SIK3: variants seen among roughly 807,000 people sequenced by gnomAD.
The protein encoded by SIK3 is SIK family kinase 3, also known as serine/threonine-protein kinase SIK3.
SIK3 carries 28 observed loss-of-function variants against 144.2 expected under a neutral mutation model. The ratio of observed to expected loss-of-function variants is 0.19; its 90% CI spans 0.14 to 0.27. The LOEUF is 0.27. SIK3 is among the 10% of genes least tolerant of loss of function. The pLI is 1.00. For synonymous variants in SIK3, 686 were observed against 676.3 expected (o/e 1.01, Z -0.22); for missense variants, 1,319 against 1,776.0 (o/e 0.74, Z 4.62).
intron 1 of SIK3, among the ~76,000 whole-genome samples, chr11:117,059,032 A>AATT (rs1953681483): frequency 6.6e-6 from 1 of 152,236 alleles, no homozygotes; most frequent in Non-Finnish European, 1.5e-5. Flanking sequence ...ATGGAGATTT[A>AATT]AGGGGCTGGC....
intron 1 of SIK3, among the ~76,000 whole-genome samples, chr11:116,970,968 T>G (rs1290528955): frequency 1.3e-5 from 2 of 152,146 alleles, no homozygotes; most frequent in African/African-American, 4.8e-5. Flanking sequence ...AGTTTTACAG[T>G]GCTATATAAT....
chr11:116,959,735 C>T (rs1040623117), intron 1 of SIK3, among the ~76,000 whole-genome samples: 2 of 152,140 alleles, frequency 1.3e-5, no homozygotes, highest in African/African-American at 4.8e-5. Flanking sequence ...CAGTCAGCCA[C>T]ACAATCACGT....
chr11:116,870,162 G>T, intron 14 of SIK3, 169 bp downstream of exon 14: 1 of 1,535,846 alleles, frequency 6.5e-7, no homozygotes, highest in Non-Finnish European at 8.7e-7. Flanking sequence ...TTTCTGGGTA[G>T]TCTTCTGTTA....
chr11:116,954,722 T>C (rs1450393646), intron 2 of SIK3, among the ~76,000 whole-genome samples: 3 of 152,210 alleles, frequency 2.0e-5, no homozygotes, highest in Non-Finnish European at 4.4e-5. Flanking sequence ...TTGTAGTATG[T>C]TGTCAGTCCT....
chr11:117,013,330 A>G (rs1310863212), intron 1 of SIK3, among the ~76,000 whole-genome samples: 1 of 152,082 alleles, frequency 6.6e-6, no homozygotes, highest in South Asian at 2.1e-4. Context: ...GTCTCCACTA[A>G]AAGTACAAAA....
In SIK3 at chr11:116,849,016, G is replaced by T; in HGVS notation, c.3819+104C>A. 1 of 1,299,910 alleles carries T rather than the reference G, an allele frequency of 7.7e-7. No homozygotes were observed. Among genetic ancestry groups the T allele is most frequent in the Non-Finnish European group, 1.0e-6 (1 of 964,034 alleles). 80.5% of individuals were successfully genotyped at this position (1,299,910 alleles called of 1,614,324 possible). ...ACCGTTTCCAGAAAGGCTGAATGCTGACTGAGGAGAGCGGCCAAGAGAGGC... is the reference window on the plus strand; with the variant it reads ...ACCGTTTCCAGAAAGGCTGAATGCTTACTGAGGAGAGCGGCCAAGAGAGGC... On this transcript the variant is annotated intron_variant, in intron 22 of 24. Transcript: ENST00000445177. This position sits in a 1 kb window ranked among gnomAD's most constrained non-coding sequence, Gnocchi z 4.2.
intron 4 of SIK3, among the ~76,000 whole-genome samples, chr11:116,923,261 T>G (rs1947100706): frequency 6.6e-6 from 1 of 152,214 alleles, no homozygotes; most frequent in African/African-American, 2.4e-5. Context: ...TTTTCTCTCT[T>G]GCATGTTTCT....
intron 4 of SIK3, among the ~76,000 whole-genome samples, chr11:116,906,492 G>A (rs1946043657): frequency 6.6e-6 from 1 of 152,108 alleles, no homozygotes; most frequent in South Asian, 2.1e-4. Context: ...TTAAGGCTTC[G>A]AAAACACCCA....
At chr11:116,899,800 C>T (rs1945641406) in intron 4 of SIK3, among the ~76,000 whole-genome samples, 1 of 152,140 alleles carries the variant, frequency 6.6e-6, no homozygotes, top group Non-Finnish European at 1.5e-5. Context: ...AGAAATCCCT[C>T]ATGCCCCAGG....
chr11:117,061,428 A>G (rs1363709201), intron 1 of SIK3, among the ~76,000 whole-genome samples: 1 of 152,114 alleles, frequency 6.6e-6, no homozygotes, highest in East Asian at 1.9e-4. Context: ...CTTCCACTTA[A>G]TGGTTGCGTC....
chr11:116,914,243 C>G (rs1946495599), intron 4 of SIK3, among the ~76,000 whole-genome samples: 1 of 142,736 alleles, frequency 7.0e-6, no homozygotes, highest in South Asian at 2.2e-4. Flanking sequence ...GAGTCTCACT[C>G]TGTCGCCCAG....
intron 16 of SIK3, among the ~76,000 whole-genome samples, chr11:116,862,944 C>A (rs898165549): frequency 6.6e-6 from 1 of 152,190 alleles, no homozygotes. Flanking sequence ...CATGGTGGTG[C>A]ACGCCTGTAG....
Position 117,098,295 on chromosome 11 carries a change from C to A in SIK3, c.121G>T (p.Val41Leu), listed in dbSNP as rs1955574865. Residue 41 changes from valine to leucine, a missense_variant, in exon 1 of 25, where the codon GTG becomes TTG. Coordinates refer to ENST00000445177, the MANE Select transcript of SIK3 (RefSeq NM_001366686.3). The part of the protein sequence containing the change: ...APGSPAAPAA[V>L]SPAAGQPRPP... ...CGCGGCTGGCCGGCCGCAGGGGACA[C>A]GGCAGCGGGGGCGGCTGGGGACCCC... 10 of 1,206,462 alleles carry A rather than the reference C, an allele frequency of 8.3e-6. No homozygotes were observed. The highest frequency in any genetic ancestry group is 1.6e-5 in the African/African-American group (1 of 62,354). The allele number at this position is 1,206,462 out of a possible 1,614,324, so 74.7% of individuals were successfully genotyped here. A position where few individuals can be genotyped will look rare whatever the true frequency, so the allele number is the denominator to read the frequency against.
chr11:116,981,365 G>C (rs1466853426), intron 1 of SIK3, among the ~76,000 whole-genome samples: 2 of 152,124 alleles, frequency 1.3e-5, no homozygotes. Flanking sequence ...TCTCTCCATG[G>C]GCTTCTTCAG....
chr11:116,954,264 A>T (rs1044807111), intron 2 of SIK3, among the ~76,000 whole-genome samples, 157 bp from the exon 3 acceptor site: 3 of 152,240 alleles, frequency 2.0e-5, no homozygotes, highest in African/African-American at 7.2e-5. Flanking sequence ...TATAAATGTT[A>T]TTAAGAAGAA....
chr11:117,025,111 A>G (rs955309511), intron 1 of SIK3, among the ~76,000 whole-genome samples: 4 of 152,172 alleles, frequency 2.6e-5, no homozygotes, highest in Non-Finnish European at 4.4e-5. Flanking sequence ...AGCAACTACT[A>G]CCTCACTCAG....
chr11:117,072,950 T>C (rs1954346170), intron 1 of SIK3, among the ~76,000 whole-genome samples: 1 of 152,162 alleles, frequency 6.6e-6, no homozygotes, highest in South Asian at 2.1e-4. Context: ...ATTTGCTAAG[T>C]CAAGGAGATT....
intron 15 of SIK3, 37 bp from the exon 16 acceptor site, chr11:116,863,855 T>C (rs764471181): frequency 3.2e-5 from 50 of 1,541,488 alleles, no homozygotes; most frequent in Non-Finnish European, 2.4e-5. Flanking sequence ...AGGCTAGGAC[T>C]CAGGGGCTTT....
In SIK3 at chr11:116,967,017, A is replaced by AAAAG. The variant is rs1555113669; in HGVS notation, c.274-9957_274-9954dup. 3.1e-3 allele frequency among the ~76,000 whole-genome samples: 460 copies of AAAAG among 147,502 alleles called. 15 individuals carry two copies. The highest frequency in any genetic ancestry group is 0.011 in the African/African-American group (435 of 39,580). The stretch of plus-strand genomic sequence containing the variant: ...AGACTCTGTTTCAAAAAAAAAAAGA[A>AAAAG]AAAGAAAAAGAAAAAGAAAAGAAAA... On this transcript the variant is annotated intron_variant, in intron 1 of 24. Coordinates refer to ENST00000445177, the MANE Select transcript of SIK3 (RefSeq NM_001366686.3).
Sources: allele counts gnomAD v4.1 joint callset (sites outside exome capture counted in the v4.1 genomes callset), GRCh38; gene constraint gnomAD v4.1.1; non-coding constraint Gnocchi (gnomAD v3.1); transcripts MANE v1.5; gene names NCBI Gene and HGNC (gene_info 2026-07-23, HGNC 2026-07-21).